Variants in BCO2 observed in about 807,000 individuals in gnomAD.
The protein encoded by BCO2 is carotenoid-cleaving dioxygenase, mitochondrial.
A neutral mutation model predicts 65.8 loss-of-function variants in BCO2; 56 were observed. The ratio of observed to expected loss-of-function variants is 0.85; its 90% CI spans 0.69 to 1.06. The LOEUF is 1.06. Ranked by LOEUF, BCO2 falls within the 50% of genes least tolerant of loss-of-function variation. BCO2 has a pLI of 0.00. For synonymous variants in BCO2, 233 were observed against 242.3 expected (o/e 0.96, Z 0.36); for missense variants, 675 against 698.5 (o/e 0.97, Z 0.38).
rs45603439 is a variant in BCO2 at position 112,216,181 on chromosome 11, T to C, written c.1516-39T>C. 5.7e-3 allele frequency: 7,947 copies of C among 1,401,060 alleles called. 45 individuals are homozygous for C. The highest frequency in any genetic ancestry group is 7.1e-3 in the Non-Finnish European group (6,975 of 986,260). The allele number at this position is 1,401,060 out of a possible 1,614,324, so 86.8% of individuals were successfully genotyped here. On this transcript the variant is annotated intron_variant, in intron 10 of 11. Transcript: ENST00000357685. ...AAGCCATAGAAAGCTCCCTACTTAC[T>C]ACTTGCCTTTTATCAAATGCTTTTT...
At position 112,216,998 on chromosome 11, in the gene BCO2, C is replaced by T. The variant is rs550885401; in HGVS notation, c.1626+668C>T. ...GAGGACTTTGTCCTCATGCCATGCA[C>T]TTGCCATTCCTGGAATTAGATTTGG... is the stretch of plus-strand genomic sequence containing the variant. On this transcript the variant is annotated intron_variant, in intron 11 of 11. Coordinates refer to ENST00000357685, the MANE Select transcript of BCO2 (RefSeq NM_031938.7). Among the ~76,000 whole-genome samples the T allele has an allele frequency of 5.9e-5, 9 of 152,344 alleles. No homozygotes were observed. In the South Asian group the frequency reaches 1.9e-3, roughly 32 times the overall value.
At chr11:112,202,289 C>A in intron 8 of BCO2, 99 bp downstream of exon 8, 2 of 1,047,184 alleles carry the variant, frequency 1.9e-6, no homozygotes, top group Non-Finnish European at 2.7e-6. Flanking sequence ...CTCTCTCTCT[C>A]TTTTTTCTTT....
chr11:112,183,067 A>T (rs528560712), intron 2 of BCO2: 1 of 1,209,650 alleles, frequency 8.3e-7, no homozygotes, highest in Non-Finnish European at 1.2e-6. Flanking sequence ...GCAGGAACTG[A>T]TTTAGATAAC....
At chr11:112,204,434 A>G (rs1237764968) in intron 8 of BCO2, among the ~76,000 whole-genome samples, 5 of 152,212 alleles carry the variant, frequency 3.3e-5, no homozygotes, top group East Asian at 3.9e-4. Context: ...CAGGAGAGGG[A>G]TTGCTGGGTC....
Position 112,216,316 on chromosome 11 carries a change from A to T in BCO2, c.1612A>T (p.Ile538Phe), listed in dbSNP as rs2135400349. The T allele has an allele frequency of 6.2e-7, 1 of 1,613,318 alleles. No individual in the cohort carries two copies. Among genetic ancestry groups the T allele is most frequent in the East Asian group, 2.2e-5 (1 of 44,868 alleles). ...EDGGVILSVV[I>F]TPNQNESNFI... ...TGGTGGGGTTATTCTTTCTGTGGTGATCACTCCCAACCAGGTAAATATATT... is the reference window on the plus strand; with the variant it reads ...TGGTGGGGTTATTCTTTCTGTGGTGTTCACTCCCAACCAGGTAAATATATT... The change falls in exon 11 of 12, where the codon ATC (isoleucine) becomes TTC (phenylalanine). Residue 538 changes from isoleucine to phenylalanine, a missense_variant. Coordinates refer to ENST00000357685, the MANE Select transcript of BCO2 (RefSeq NM_031938.7).
chr11:112,175,541 T>C lies in BCO2; in HGVS notation c.-61T>C. ...AGTTCTGTGCGTGTTCACTGTTTAG[T>C]AGTACTCAAAACTGCCAGTGTGAGA... On this transcript the variant is annotated 5_prime_UTR_variant, in exon 1 of 12. Coordinates refer to ENST00000357685, the MANE Select transcript of BCO2 (RefSeq NM_031938.7). 1 of 1,216,280 alleles carries C rather than the reference T, an allele frequency of 8.2e-7. No homozygotes were observed. The allele number at this position is 1,216,280 out of a possible 1,614,324, so 75.3% of individuals were successfully genotyped here.
intron 2 of BCO2, among the ~76,000 whole-genome samples, chr11:112,184,678 C>A (rs550654299): frequency 4.0e-5 from 6 of 151,872 alleles, no homozygotes; most frequent in South Asian, 4.2e-4. Flanking sequence ...GATTCTTTTA[C>A]TTATATTTTT....
intron 8 of BCO2, among the ~76,000 whole-genome samples, chr11:112,203,484 T>C (rs976320733): frequency 2.6e-5 from 4 of 152,182 alleles, no homozygotes; most frequent in Admixed American, 1.3e-4. Context: ...AAATTCATTG[T>C]ATATATTTGA....
At chr11:112,175,962 A>G in intron 1 of BCO2, 1 of 337,258 alleles carries the variant, frequency 3.0e-6, no homozygotes, top group Non-Finnish European at 5.5e-6. Flanking sequence ...GGGATTTGCA[A>G]TAAGAAGAAT....
chr11:112,198,854 C>G (rs1163873375), intron 5 of BCO2, among the ~76,000 whole-genome samples: 2 of 120,248 alleles, frequency 1.7e-5, no homozygotes, highest in Non-Finnish European at 3.4e-5. Context: ...TTCCTGGCTG[C>G]TATCTTTTTT....
chr11:112,217,529 T>G (rs1314698435), intron 11 of BCO2, among the ~76,000 whole-genome samples: 1 of 152,120 alleles, frequency 6.6e-6, no homozygotes, highest in Admixed American at 6.5e-5. Flanking sequence ...GCCTGGTTAA[T>G]TTTTGTATTT....
Position 112,216,268 on chromosome 11 carries a change from G to C in BCO2, c.1564G>C (p.Ala522Pro). ...FYPSEPVFVPAPGTNEEDGGV... is the reference protein window; with the variant it reads ...FYPSEPVFVPPPGTNEEDGGV... ...TCCCTCAGAACCTGTTTTTGTTCCAGCACCAGGAACCAATGAAGAAGATGG... is the reference window on the plus strand; with the variant it reads ...TCCCTCAGAACCTGTTTTTGTTCCACCACCAGGAACCAATGAAGAAGATGG... The change falls in exon 11 of 12, where the codon GCA becomes CCA. Residue 522 changes from alanine to proline, a missense_variant. Physicochemically the swap from Ala to Pro is conservative, Grantham distance 27. Transcript: ENST00000357685. The C allele has an allele frequency of 6.2e-7, 1 of 1,614,132 alleles. No homozygotes were observed. The highest frequency in any genetic ancestry group is 8.5e-7 in the Non-Finnish European group (1 of 1,180,012).
chr11:112,175,517 G>A lies in BCO2; in HGVS notation c.-85G>A. 1 of 984,956 alleles carries A rather than the reference G, an allele frequency of 1.0e-6. No individual in the cohort carries two copies. Among genetic ancestry groups the A allele is most frequent in the Admixed American group, 1.8e-5 (1 of 55,104 alleles). 61.0% of individuals were successfully genotyped at this position (984,956 alleles called of 1,614,324 possible). The stretch of plus-strand genomic sequence containing the variant: ...CAGTGAGGGAGGGACAGTCCAGGCA[G>A]TTCTGTGCGTGTTCACTGTTTAGTA... On this transcript the variant is annotated 5_prime_UTR_variant, in exon 1 of 12. Coordinates refer to ENST00000357685, the MANE Select transcript of BCO2 (RefSeq NM_031938.7).
At chr11:112,217,054 T>G (rs546859741) in intron 11 of BCO2, among the ~76,000 whole-genome samples, 5 of 152,334 alleles carry the variant, frequency 3.3e-5, no homozygotes, top group African/African-American at 1.2e-4. Context: ...AATGCTGGCC[T>G]TTAAACAGCT....
In BCO2 at chr11:112,199,787, T is replaced by A; in HGVS notation, c.825T>A (p.Ala275=). The A allele has an allele frequency of 2.5e-6, 4 of 1,614,094 alleles. No individual in the cohort carries two copies. In the South Asian group the frequency reaches 4.4e-5, roughly 18 times the overall value. The part of the protein sequence containing the change: ...IHGVQVICSI[A]STEKGKPSYY... ...GAGTCCAGGTGATATGTTCTATTGCTTCTACAGAGAAAGGGAAACCTTCTT... is the reference window on the plus strand; with the variant it reads ...GAGTCCAGGTGATATGTTCTATTGCATCTACAGAGAAAGGGAAACCTTCTT... Residue 275 remains alanine, a synonymous_variant, in exon 6 of 12, where the codon GCT becomes GCA. Coordinates refer to ENST00000357685, the MANE Select transcript of BCO2 (RefSeq NM_031938.7).
intron 8 of BCO2, among the ~76,000 whole-genome samples, chr11:112,206,661 T>C (rs11214132): frequency 0.017 from 2,539 of 152,294 alleles, 68 homozygotes; most frequent in African/African-American, 0.056. Context: ...TGCAATTTTT[T>C]TCCCCAGCCC....
intron 8 of BCO2, among the ~76,000 whole-genome samples, chr11:112,212,283 C>A (rs1302495882): frequency 6.6e-6 from 1 of 152,174 alleles, no homozygotes; most frequent in Non-Finnish European, 1.5e-5. Flanking sequence ...TATGGAGAAG[C>A]TGTGTTGGGA....
chr11:112,181,725 G>C, intron 2 of BCO2: 2 of 923,486 alleles, frequency 2.2e-6, no homozygotes, highest in Non-Finnish European at 3.6e-6. Context: ...AACCAAGTCA[G>C]AACTGTGATG....
At position 112,216,227 on chromosome 11, in the gene BCO2, G is replaced by A; in HGVS notation, c.1523G>A (p.Arg508Lys). Residue 508 changes from arginine to lysine, a missense_variant, in exon 11 of 12, where the codon AGA (arginine) becomes AAA (lysine). Coordinates refer to ENST00000357685, the MANE Select transcript of BCO2 (RefSeq NM_031938.7). ...DVVNKTLKVW[R>K]EDGFYPSEPV... ...TTTTTTTGGGACTTGCAGGTTTGGA[G>A]AGAAGATGGCTTTTATCCCTCAGAA... 2 of 1,613,862 alleles carry A rather than the reference G, an allele frequency of 1.2e-6. No homozygotes were observed. The highest frequency in any genetic ancestry group is 1.1e-5 in the South Asian group (1 of 91,074).
Sources: allele counts gnomAD v4.1 joint callset (sites outside exome capture counted in the v4.1 genomes callset), GRCh38; gene constraint gnomAD v4.1.1; transcripts MANE v1.5; gene names NCBI Gene and HGNC (gene_info 2026-07-23, HGNC 2026-07-21).